Variants in ENOX1 observed in about 807,000 individuals in gnomAD.
ENOX1 encodes candidate growth-related and time keeping constitutive hydroquinone (NADH) oxidase.
In ENOX1, 42 loss-of-function variants were observed where a neutral mutation model predicts 82.5. That is an observed-to-expected ratio of 0.51 (90% CI 0.40 to 0.66). ENOX1 has a LOEUF of 0.66. Among genes scored for constraint, ENOX1 ranks in the 30% least tolerant of loss-of-function variants. The probability of loss-of-function intolerance (pLI) is 0.00; values close to 1 mark genes in which losing one functional copy is unlikely to be tolerated. For missense variants in ENOX1, 608 were observed against 811.6 expected (o/e 0.75, Z 3.05); for synonymous variants, 271 against 282.2 (o/e 0.96, Z 0.40).
At chr13:43,254,971 A>C (rs1469788306) in intron 14 of ENOX1, among the ~76,000 whole-genome samples, 1 of 152,148 alleles carries the variant, frequency 6.6e-6, no homozygotes, top group Non-Finnish European at 1.5e-5. Context: ...AAGAAGAACA[A>C]ATAGTAATCC....
chr13:43,312,091 ATATAAACTTGTATT>A (rs2047235596), intron 11 of ENOX1, among the ~76,000 whole-genome samples: 1 of 152,240 alleles, frequency 6.6e-6, no homozygotes, highest in East Asian at 1.9e-4. Context: ...CAAGTATCAA[ATATAAACTTGTATT>A]TATTCAGCAG....
chr13:43,680,620 C>G (rs1395989788), intron 1 of ENOX1, among the ~76,000 whole-genome samples: 2 of 152,142 alleles, frequency 1.3e-5, no homozygotes, highest in African/African-American at 4.8e-5. Context: ...CTCTCTGATT[C>G]AGTGTCCTTA....
intron 2 of ENOX1, among the ~76,000 whole-genome samples, chr13:43,600,048 G>A (rs1368934067): frequency 6.6e-6 from 1 of 152,004 alleles, no homozygotes; most frequent in Non-Finnish European, 1.5e-5. Flanking sequence ...GTGAGCTTTG[G>A]GTAAGACTCA....
chr13:43,353,045 A>G (rs1395794857), intron 8 of ENOX1, among the ~76,000 whole-genome samples: 1 of 152,232 alleles, frequency 6.6e-6, no homozygotes, highest in Non-Finnish European at 1.5e-5. Flanking sequence ...TGGCTAGGAC[A>G]GCGCCAGTCA....
At chr13:43,308,484 T>C (rs2046996911) in intron 11 of ENOX1, among the ~76,000 whole-genome samples, 1 of 152,214 alleles carries the variant, frequency 6.6e-6, no homozygotes, top group African/African-American at 2.4e-5. Context: ...AGTTTCTGCT[T>C]TGTTCATTAA....
intron 2 of ENOX1, among the ~76,000 whole-genome samples, chr13:43,553,936 A>G (rs2079320447): frequency 6.6e-6 from 1 of 152,058 alleles, no homozygotes; most frequent in Non-Finnish European, 1.5e-5. Flanking sequence ...TTTAGTAGAG[A>G]CGGGATTTTG....
chr13:43,398,618 C>T (rs2053297608), intron 5 of ENOX1, among the ~76,000 whole-genome samples: 1 of 152,052 alleles, frequency 6.6e-6, no homozygotes, highest in Non-Finnish European at 1.5e-5. Flanking sequence ...GCCTGCCTCT[C>T]CTGCCTCCCC....
chr13:43,677,321 A>G (rs1420773612), intron 1 of ENOX1, among the ~76,000 whole-genome samples: 1 of 152,150 alleles, frequency 6.6e-6, no homozygotes, highest in Non-Finnish European at 1.5e-5. Flanking sequence ...CAAAGAGCAC[A>G]TGAGTGAGAG....
chr13:43,686,970 T>C (rs299346), intron 1 of ENOX1, among the ~76,000 whole-genome samples: 1,795 of 149,750 alleles, frequency 0.012, 33 homozygotes, highest in African/African-American at 0.041. Flanking sequence ...AAGTGAACTT[T>C]ACTCACTTCC....
At chr13:43,657,747 T>C (rs1209630597) in intron 2 of ENOX1, among the ~76,000 whole-genome samples, 2 of 152,232 alleles carry the variant, frequency 1.3e-5, no homozygotes, top group African/African-American at 4.8e-5. Flanking sequence ...AGACATTTCT[T>C]TCCAGTTGAG....
At position 43,711,556 on chromosome 13, in the gene ENOX1, A is replaced by G. The variant is rs1195946963; in HGVS notation, c.-284-44012T>C. On this transcript the variant is annotated intron_variant, in intron 1 of 16. Transcript: ENST00000690772. ...CCACCAACAGTGTGAAAGTGTTCCT[A>G]TTTCTCCACATCCTCTCCAGCACCT... 6.6e-5 allele frequency among the ~76,000 whole-genome samples: 10 copies of G among 152,052 alleles called. No individual in the cohort carries two copies. In the South Asian group the frequency reaches 8.3e-4, roughly 13 times the overall value.
chr13:43,742,474 C>G (rs1054543321), intron 1 of ENOX1, among the ~76,000 whole-genome samples: 2 of 151,956 alleles, frequency 1.3e-5, no homozygotes, highest in African/African-American at 4.8e-5. Flanking sequence ...TTAGTTCACC[C>G]TTCCTCCATC....
chr13:43,368,469 G>T (rs2050996669), intron 5 of ENOX1, among the ~76,000 whole-genome samples: 1 of 152,220 alleles, frequency 6.6e-6, no homozygotes. Context: ...AGCAATCTGT[G>T]CATGGAGCGT....
chr13:43,535,651 G>A lies in ENOX1; in HGVS notation c.-218-51499C>T, dbSNP rs529910615. 1.8e-4 allele frequency among the ~76,000 whole-genome samples: 28 copies of A among 152,158 alleles called. No individual in the cohort carries two copies. In the East Asian group the frequency reaches 2.3e-3, roughly 13 times the overall value. On this transcript the variant is annotated intron_variant, in intron 2 of 16. Coordinates refer to ENST00000690772, the MANE Select transcript of ENOX1 (RefSeq NM_001347969.2). The stretch of plus-strand genomic sequence containing the variant: ...AAGTTTCAGCCCATGAGCAGCACAC[G>A]GTCAGCACATATCATCAGGCTACTT...
At chr13:43,262,390 A>G (rs1281900831) in intron 14 of ENOX1, among the ~76,000 whole-genome samples, 5 of 152,208 alleles carry the variant, frequency 3.3e-5, no homozygotes, top group African/African-American at 1.2e-4. Flanking sequence ...TAATGCATGA[A>G]ATTCCTGCCC....
chr13:43,606,954 G>A (rs530426515), intron 2 of ENOX1, among the ~76,000 whole-genome samples: 7 of 152,286 alleles, frequency 4.6e-5, no homozygotes, highest in African/African-American at 1.7e-4. Flanking sequence ...GTTGCAGTGA[G>A]CTGAGATAGT....
At chr13:43,478,054 GTTT>G (rs756717438) in intron 3 of ENOX1, among the ~76,000 whole-genome samples, 1,274 of 99,952 alleles carry the variant, frequency 0.013, 1 homozygote, top group Middle Eastern at 0.024. Flanking sequence ...AGCCAGAGAG[GTTT>G]TTTTTTTTTT....
intron 2 of ENOX1, among the ~76,000 whole-genome samples, chr13:43,581,233 C>T (rs992848218): frequency 1.4e-5 from 2 of 140,660 alleles, no homozygotes; most frequent in Non-Finnish European, 3.1e-5. Flanking sequence ...CCCGGGTTCA[C>T]GCCATTCTCC....
At chr13:43,308,988 A>C (rs2047028847) in intron 11 of ENOX1, among the ~76,000 whole-genome samples, 1 of 151,044 alleles carries the variant, frequency 6.6e-6, no homozygotes, top group Non-Finnish European at 1.5e-5. Context: ...AAACCAAGGT[A>C]CTTCAAGGGC....
Sources: allele counts gnomAD v4.1 joint callset (sites outside exome capture counted in the v4.1 genomes callset), GRCh38; gene constraint gnomAD v4.1.1; transcripts MANE v1.5; gene names NCBI Gene and HGNC (gene_info 2026-07-23, HGNC 2026-07-21).